Variants in SNTG1 observed in about 807,000 individuals in gnomAD.
SNTG1 encodes syntrophin gamma 1.
SNTG1 carries 39 observed loss-of-function variants against 74.7 expected under a neutral mutation model. That is an observed-to-expected ratio of 0.52 (90% CI 0.40 to 0.68). The LOEUF (loss-of-function observed/expected upper bound fraction) is 0.68. Among genes scored for constraint, SNTG1 ranks in the 30% least tolerant of loss-of-function variants. SNTG1 has a pLI of 0.00. For missense variants in SNTG1, 685 were observed against 609.5 expected (o/e 1.12, Z -1.30); for synonymous variants, 254 against 217.1 (o/e 1.17, Z -1.49).
intron 9 of SNTG1, among the ~76,000 whole-genome samples, chr8:50,524,226 A>G (rs984814019): frequency 6.6e-6 from 1 of 152,086 alleles, no homozygotes; most frequent in African/African-American, 2.4e-5. Context: ...CAGTACACAG[A>G]TCTTACTTCT....
intron 13 of SNTG1, among the ~76,000 whole-genome samples, chr8:50,605,842 GA>G (rs1305643600): frequency 6.6e-6 from 1 of 151,856 alleles, no homozygotes; most frequent in East Asian, 1.9e-4. Flanking sequence ...TGACCTAACT[GA>G]AAAAAATAAA....
At chr8:50,207,157 G>A (rs893449495) in intron 2 of SNTG1, among the ~76,000 whole-genome samples, 1 of 152,148 alleles carries the variant, frequency 6.6e-6, no homozygotes, top group Non-Finnish European at 1.5e-5. Flanking sequence ...GCTCCTCTTT[G>A]TACCTCTGGT....
chr8:50,689,659 A>G (rs1409988964), intron 15 of SNTG1, among the ~76,000 whole-genome samples: 2 of 152,290 alleles, frequency 1.3e-5, no homozygotes, highest in East Asian at 3.9e-4. Context: ...CCAGTATTTT[A>G]CTGAGGATTT....
At chr8:50,514,891 T>C (rs1245208904) in intron 9 of SNTG1, among the ~76,000 whole-genome samples, 2 of 152,170 alleles carry the variant, frequency 1.3e-5, no homozygotes, top group Admixed American at 6.5e-5. Context: ...CTTCATATAT[T>C]TGGATATTTG....
intron 2 of SNTG1, among the ~76,000 whole-genome samples, chr8:50,347,931 C>T (rs575136422): frequency 2.5e-4 from 38 of 152,276 alleles, no homozygotes; most frequent in Middle Eastern, 3.4e-3. Flanking sequence ...CCTCATGAGT[C>T]ATGAAAATAT....
intron 17 of SNTG1, among the ~76,000 whole-genome samples, chr8:50,714,322 C>G (rs1291988905): frequency 6.6e-6 from 1 of 151,758 alleles, no homozygotes; most frequent in Non-Finnish European, 1.5e-5. Flanking sequence ...TATATGGGCT[C>G]TTTTTTGGTT....
At chr8:50,701,195 C>G (rs1471040183) in intron 15 of SNTG1, among the ~76,000 whole-genome samples, 1 of 152,124 alleles carries the variant, frequency 6.6e-6, no homozygotes. Context: ...TTTCTGGAAA[C>G]TGCAACGTTT....
chr8:50,365,617 A>G (rs1052627319), intron 2 of SNTG1, among the ~76,000 whole-genome samples: 10 of 152,100 alleles, frequency 6.6e-5, no homozygotes, highest in Admixed American at 2.0e-4. Context: ...TGTTTTAATT[A>G]TATCTAGACT....
chr8:50,162,033 G>A (rs556914521), intron 1 of SNTG1, among the ~76,000 whole-genome samples: 1 of 152,178 alleles, frequency 6.6e-6, no homozygotes, highest in South Asian at 2.1e-4. Context: ...AAGAGCAAGA[G>A]GGAGAAGAAA....
intron 2 of SNTG1, among the ~76,000 whole-genome samples, chr8:50,214,294 A>G (rs1402319761): frequency 3.3e-5 from 5 of 149,414 alleles, no homozygotes; most frequent in Non-Finnish European, 7.4e-5. Context: ...ACATTAGGAG[A>G]TATACCTAAT....
chr8:50,443,809 T>G (rs1223232650), intron 5 of SNTG1, among the ~76,000 whole-genome samples: 1 of 152,140 alleles, frequency 6.6e-6, no homozygotes, highest in Non-Finnish European at 1.5e-5. Context: ...TCATGTTTCC[T>G]CTCTATGCTG....
chr8:50,345,266 G>T (rs1416535597), intron 2 of SNTG1, among the ~76,000 whole-genome samples: 1 of 152,136 alleles, frequency 6.6e-6, no homozygotes, highest in Non-Finnish European at 1.5e-5. Context: ...TCAGTAACAG[G>T]GAATGCTGGA....
chr8:50,644,785 G>A (rs4607637), intron 13 of SNTG1, among the ~76,000 whole-genome samples: 34,602 of 152,008 alleles, frequency 0.23, 4,583 homozygotes, highest in African/African-American at 0.36. Context: ...GAGTTCTGCA[G>A]GGTTAGGAGT....
chr8:50,618,542 T>C (rs1030158618), intron 13 of SNTG1, among the ~76,000 whole-genome samples: 17 of 152,222 alleles, frequency 1.1e-4, no homozygotes, highest in African/African-American at 4.1e-4. Context: ...ACACATTACA[T>C]AAGCTCACAG....
At chr8:50,271,191 A>G (rs2087758143) in intron 2 of SNTG1, among the ~76,000 whole-genome samples, 1 of 152,218 alleles carries the variant, frequency 6.6e-6, no homozygotes, top group Non-Finnish European at 1.5e-5. Context: ...TATTAAAAAT[A>G]TGTCAGCTTT....
chr8:50,381,171 A>G (rs1563308314), intron 2 of SNTG1: 1 of 152,192 alleles, frequency 6.6e-6, no homozygotes. Flanking sequence ...TATTTTAGGT[A>G]ATAAAGTTTA....
intron 1 of SNTG1, among the ~76,000 whole-genome samples, chr8:50,003,628 C>T (rs1029560468): frequency 6.6e-6 from 1 of 152,016 alleles, no homozygotes; most frequent in African/African-American, 2.4e-5. Flanking sequence ...CCCTGAAGAA[C>T]CTTTTAGAAG....
chr8:50,573,251 A>G (rs963170684), intron 12 of SNTG1, among the ~76,000 whole-genome samples: 1 of 152,126 alleles, frequency 6.6e-6, no homozygotes, highest in Non-Finnish European at 1.5e-5. Flanking sequence ...ATTACAAATT[A>G]CTGCTAAATC....
intron 2 of SNTG1, among the ~76,000 whole-genome samples, chr8:50,297,090 C>A (rs61158477): frequency 9.2e-5 from 14 of 152,014 alleles, no homozygotes; most frequent in Non-Finnish European, 1.6e-4. Context: ...ATTTCATGGA[C>A]GTAAATATTT....
Sources: gnomAD v4.1 joint callset for allele counts (sites outside exome capture counted in the v4.1 genomes callset) on GRCh38, gnomAD v4.1.1 for gene constraint, MANE v1.5 for transcripts, NCBI Gene and HGNC (gene_info 2026-07-23, HGNC 2026-07-21) for gene names.